LRP1B: variants seen among roughly 807,000 people sequenced by gnomAD.
LRP1B encodes LDL receptor related protein 1B.
Under a neutral mutation model 556.6 loss-of-function variants are expected in LRP1B, and 217 were observed. The ratio of observed to expected loss-of-function variants is 0.39; its 90% CI spans 0.35 to 0.44. The LOEUF (loss-of-function observed/expected upper bound fraction) is 0.44, where lower values mean the gene tolerates loss of function less well. Ranked by LOEUF, LRP1B falls within the 20% of genes least tolerant of loss-of-function variation. The pLI is 1.00. For missense variants in LRP1B, 5,053 were observed against 5,620.8 expected, an observed-to-expected ratio of 0.90 and a Z score of 3.23; for synonymous variants, 2,047 against 1,865.8, an observed-to-expected ratio of 1.10 and a Z score of -2.50.
chr2:140,593,710 A>G (rs1315309681), intron 43 of LRP1B, among the ~76,000 whole-genome samples: 2 of 152,176 alleles, frequency 1.3e-5, no homozygotes, highest in African/African-American at 4.8e-5. Flanking sequence ...TCTAAGATAA[A>G]ACAGAATAAT....
chr2:141,427,357 A>G (rs1213246023), intron 3 of LRP1B, among the ~76,000 whole-genome samples: 1 of 152,204 alleles, frequency 6.6e-6, no homozygotes, highest in Non-Finnish European at 1.5e-5. Context: ...AATAAATTTT[A>G]AAAAGTTCAG....
chr2:140,866,243 T>C (rs1559164196), intron 27 of LRP1B, among the ~76,000 whole-genome samples: 1 of 152,094 alleles, frequency 6.6e-6, no homozygotes, highest in Non-Finnish European at 1.5e-5. Flanking sequence ...TCATCTACAG[T>C]GTTTGCTTAC....
intron 21 of LRP1B, among the ~76,000 whole-genome samples, chr2:140,917,939 G>C (rs1226677503): frequency 6.6e-6 from 1 of 152,104 alleles, no homozygotes; most frequent in Non-Finnish European, 1.5e-5. Flanking sequence ...CTGTGCATGT[G>C]AGGGCGGTGG....
intron 23 of LRP1B, among the ~76,000 whole-genome samples, chr2:140,900,936 A>G (rs1296963004): frequency 6.6e-6 from 1 of 152,220 alleles, no homozygotes; most frequent in Non-Finnish European, 1.5e-5. Context: ...GTATAGTCTA[A>G]GTGAAAGAAA....
chr2:141,460,299 C>A (rs1410715657), intron 3 of LRP1B, among the ~76,000 whole-genome samples: 1 of 152,118 alleles, frequency 6.6e-6, no homozygotes, highest in Non-Finnish European at 1.5e-5. Flanking sequence ...TTCATAACAA[C>A]ACTCTTTGTT....
chr2:141,541,695 T>A (rs1343663586), intron 2 of LRP1B, among the ~76,000 whole-genome samples: 2 of 152,060 alleles, frequency 1.3e-5, no homozygotes, highest in South Asian at 2.1e-4. Flanking sequence ...AAACTAGAGT[T>A]AACTTGGAGT....
At chr2:140,914,494 A>G (rs1159387217) in intron 21 of LRP1B, among the ~76,000 whole-genome samples, 3 of 152,150 alleles carry the variant, frequency 2.0e-5, no homozygotes, top group African/African-American at 7.2e-5. Flanking sequence ...GCATCGGGAA[A>G]AAATGGGTTG....
chr2:140,725,128 A>T (rs1197865500), intron 35 of LRP1B, among the ~76,000 whole-genome samples: 1 of 152,124 alleles, frequency 6.6e-6, no homozygotes, highest in African/African-American at 2.4e-5. Context: ...CTGTTTTTCC[A>T]TTCTAAAATT....
rs138531928 is a variant in LRP1B, at chr2:141,641,627, C to T, written c.206-161094G>A. ...AGTTAACTGTCTTCCAGTGAAGCTG[C>T]CCCATAAAATGGCATTATGAAAGCT... On this transcript the variant is annotated intron_variant, in intron 2 of 90. Transcript: ENST00000389484. Among the ~76,000 whole-genome samples, 17 of 152,226 alleles carry T rather than the reference C, an allele frequency of 1.1e-4. No homozygotes were observed. The Middle Eastern group carries it at 0.01, about 91-fold the overall frequency.
chr2:140,334,428 T>C (rs774851172), intron 79 of LRP1B, 25 bp downstream of exon 79: 1 of 1,375,612 alleles, frequency 7.3e-7, no homozygotes, highest in Admixed American at 1.7e-5. Context: ...CTGCTTCATA[T>C]TTTAGCGTGT....
At chr2:140,650,744 C>T (rs2105319864) in intron 41 of LRP1B, among the ~76,000 whole-genome samples, 1 of 152,246 alleles carries the variant, frequency 6.6e-6, no homozygotes, top group Admixed American at 6.5e-5. Flanking sequence ...ACTGAAACAA[C>T]TTAAAAATCT....
At position 140,334,526 on chromosome 2, in the gene LRP1B, G is replaced by A. The variant is rs145423213; in HGVS notation, c.12150C>T (p.Ser4050=). The A allele has an allele frequency of 8.2e-5, 132 of 1,601,430 alleles. No individual in the cohort carries two copies. In the East Asian group the frequency reaches 3.0e-3, roughly 36 times the overall value. ...CATCCATGGCTGCTTCTTCTATATGGGAATGATCCCCAACAACAGTCCAGT... is the reference window on the plus strand; with the variant it reads ...CATCCATGGCTGCTTCTTCTATATGAGAATGATCCCCAACAACAGTCCAGT... ...MMYWTVVGDH[S]HIEEAAMDGT... is the part of the protein sequence containing the mutation. The change falls in exon 79 of 91, where the codon TCC becomes TCT. Residue 4050 remains serine, a synonymous_variant. Transcript: ENST00000389484.
chr2:141,603,769 T>G (rs989585258), intron 2 of LRP1B, among the ~76,000 whole-genome samples: 1 of 152,188 alleles, frequency 6.6e-6, no homozygotes, highest in African/African-American at 2.4e-5. Context: ...CATCAGGTAC[T>G]CTTCAGGTAA....
chr2:141,996,966 T>C (rs1702509377), intron 1 of LRP1B, among the ~76,000 whole-genome samples: 2 of 152,168 alleles, frequency 1.3e-5, no homozygotes, highest in Non-Finnish European at 2.9e-5. Flanking sequence ...ATTGTATAGG[T>C]TTCTTAGAGT....
At chr2:140,677,578 A>G (rs1685714805) in intron 41 of LRP1B, among the ~76,000 whole-genome samples, 1 of 152,144 alleles carries the variant, frequency 6.6e-6, no homozygotes, top group African/African-American at 2.4e-5. Context: ...CACAAAGGTA[A>G]TAGCCAACAT....
At chr2:140,257,242 A>G (rs917418516) in intron 86 of LRP1B, among the ~76,000 whole-genome samples, 1 of 152,154 alleles carries the variant, frequency 6.6e-6, no homozygotes, top group Non-Finnish European at 1.5e-5. Flanking sequence ...GTTGTTATAA[A>G]CATCTGAAAT....
At chr2:140,919,811 T>G (rs1159402898) in intron 21 of LRP1B, among the ~76,000 whole-genome samples, 2 of 152,102 alleles carry the variant, frequency 1.3e-5, no homozygotes, top group Non-Finnish European at 2.9e-5. Context: ...AACTTCAGAG[T>G]GTAAACTTGA....
chr2:140,788,681 T>C (rs886107469), intron 32 of LRP1B, among the ~76,000 whole-genome samples: 3 of 152,224 alleles, frequency 2.0e-5, no homozygotes, highest in Non-Finnish European at 4.4e-5. Context: ...CTCTCTTTGC[T>C]AAGAAGACTC....
intron 2 of LRP1B, among the ~76,000 whole-genome samples, chr2:141,762,979 T>A (rs1694611194): frequency 6.6e-6 from 1 of 152,214 alleles, no homozygotes; most frequent in Admixed American, 6.5e-5. Context: ...ATGAACCAGC[T>A]ACGTGTACTG....
Sources: gnomAD v4.1 joint callset for allele counts (sites outside exome capture counted in the v4.1 genomes callset) on GRCh38, gnomAD v4.1.1 for gene constraint, MANE v1.5 for transcripts, NCBI Gene and HGNC (gene_info 2026-07-23, HGNC 2026-07-21) for gene names.